Variants in PCDHA4 observed in about 807,000 individuals in gnomAD.
PCDHA4 encodes protocadherin alpha 4, also known as protocadherin alpha-4.
In PCDHA4, 49 loss-of-function variants were observed where a neutral mutation model predicts 61.4. The ratio of observed to expected loss-of-function variants is 0.80; its 90% CI spans 0.63 to 1.01. PCDHA4 has a LOEUF of 1.01. Among genes scored for constraint, PCDHA4 ranks in the 50% least tolerant of loss-of-function variants. PCDHA4 has a pLI of 0.00. For missense variants in PCDHA4, 1,254 were observed against 1,235.8 expected (o/e 1.01, Z -0.22); for synonymous variants, 590 against 550.3 (o/e 1.07, Z -1.01).
At chr5:140,863,157 C>A (rs782159779) in intron 1 of PCDHA4, 7 of 638,840 alleles carry the variant, frequency 1.1e-5, no homozygotes, top group South Asian at 5.4e-5. Flanking sequence ...AGGACCACTG[C>A]GAGCTGGCGC....
chr5:140,886,251 T>A (rs189086759), intron 1 of PCDHA4, among the ~76,000 whole-genome samples: 397 of 152,156 alleles, frequency 2.6e-3, no homozygotes, highest in Non-Finnish European at 4.1e-3. Flanking sequence ...AATAAAAGTA[T>A]CTCTATTTAT....
chr5:140,808,735 G>T lies in PCDHA4; in HGVS notation c.1548G>T (p.Lys516Asn), dbSNP rs1389730174. 1 of 1,612,086 alleles carries T rather than the reference G, an allele frequency of 6.2e-7. No homozygotes were observed. The highest frequency in any genetic ancestry group is 8.5e-7 in the Non-Finnish European group (1 of 1,179,822). Residue 516 changes from lysine (K) to asparagine (N), a missense_variant, in exon 1 of 4, where the codon AAG becomes AAT. Lys to Asn is a moderately conservative substitution (Grantham distance 94). Transcript: ENST00000530339. ...SYVSVHAESG[K>N]VYALQPLDHE... ...TTTCGGTGCATGCGGAGAGCGGCAA[G>T]GTGTACGCGCTGCAGCCGCTGGACC...
chr5:140,931,864 T>G (rs1554208617), intron 1 of PCDHA4, among the ~76,000 whole-genome samples: 1 of 151,976 alleles, frequency 6.6e-6, no homozygotes, highest in African/African-American at 2.4e-5. Flanking sequence ...ATTCTAGAAA[T>G]AAAATATTTA....
intron 3 of PCDHA4, among the ~76,000 whole-genome samples, chr5:140,985,666 A>G (rs547448150): frequency 1.3e-5 from 2 of 151,942 alleles, no homozygotes; most frequent in South Asian, 4.2e-4. Flanking sequence ...GAATAAAGGA[A>G]GTGGGGCCTG....
intron 1 of PCDHA4, chr5:140,871,192 G>A (rs1582019516): frequency 6.2e-7 from 1 of 1,613,668 alleles, no homozygotes; most frequent in South Asian, 1.1e-5. Context: ...GGATGTCAAC[G>A]TGTACCTGAT....
intron 1 of PCDHA4, chr5:140,870,710 CGCGCGATGCGG>C (rs1554164626): frequency 1.2e-6 from 2 of 1,612,974 alleles, no homozygotes; most frequent in African/African-American, 2.7e-5. Context: ...CAGGTGAGCG[CGCGCGATGCGG>C]GCGTGCCGCC....
intron 1 of PCDHA4, among the ~76,000 whole-genome samples, chr5:140,922,088 T>C (rs1361534405): frequency 6.6e-6 from 1 of 152,184 alleles, no homozygotes; most frequent in Non-Finnish European, 1.5e-5. Context: ...AAGTGGTATT[T>C]CTACCAACTA....
chr5:140,823,009 C>G, intron 1 of PCDHA4: 1 of 1,614,246 alleles, frequency 6.2e-7, no homozygotes, highest in Non-Finnish European at 8.5e-7. Context: ...GGACAGCGCC[C>G]TGGACCGCGA....
chr5:140,876,079 G>C, intron 1 of PCDHA4: 1 of 1,613,940 alleles, frequency 6.2e-7, no homozygotes, highest in Non-Finnish European at 8.5e-7. Flanking sequence ...ATTGGACAGA[G>C]AGCAAACGCC....
chr5:140,978,545 T>C (rs1478928718), intron 1 of PCDHA4, among the ~76,000 whole-genome samples: 2 of 152,258 alleles, frequency 1.3e-5, no homozygotes, highest in Non-Finnish European at 2.9e-5. Context: ...TGTGTAGCCA[T>C]GTGCCCTGTT....
chr5:140,876,455 C>G, intron 1 of PCDHA4: 1 of 1,613,992 alleles, frequency 6.2e-7, no homozygotes, highest in Non-Finnish European at 8.5e-7. Context: ...AAAGGGATTC[C>G]TTCCATGGCA....
rs148608291 is a variant in PCDHA4, at chr5:140,870,364, G to A, written c.2385+60792G>A. The stretch of plus-strand genomic sequence containing the variant: ...GGACCGCGAGAACGTGTGGGCCTAT[G>A]AACTGGTGGTGACTGCGCGGGATGG... On this transcript the variant is annotated intron_variant, in intron 1 of 3. Transcript: ENST00000530339. 1,110 of 1,614,212 alleles carry A rather than the reference G, an allele frequency of 6.9e-4. 2 individuals are homozygous for A. The highest frequency in any genetic ancestry group is 9.1e-4 in the Non-Finnish European group (1,069 of 1,180,030).
intron 1 of PCDHA4, chr5:140,968,839 T>C (rs1426943047): frequency 1.3e-5 from 21 of 1,614,052 alleles, no homozygotes; most frequent in Non-Finnish European, 1.7e-5. Flanking sequence ...TCCCTGACAC[T>C]CAGAGGCATG....
chr5:140,818,874 C>T (rs1462838242), intron 1 of PCDHA4, among the ~76,000 whole-genome samples: 5 of 152,164 alleles, frequency 3.3e-5, no homozygotes, highest in African/African-American at 1.2e-4. Context: ...AAAAAAGATG[C>T]CTGAGATTGC....
rs2150375246 is a variant in PCDHA4, at chr5:140,844,933, C to T, written c.2385+35361C>T. Among the ~76,000 whole-genome samples the T allele has an allele frequency of 2.7e-5, 4 of 149,222 alleles. 1 individual carries two copies. Among genetic ancestry groups the T allele is most frequent in the Admixed American group, 6.7e-5 (1 of 14,882 alleles). ...GTAGAAATTGATGGAAGGGAATGAA[C>T]GATTTCTGGGACTCTGAATTCTTAC... On this transcript the variant is annotated intron_variant, in intron 1 of 3. Transcript: ENST00000530339.
intron 1 of PCDHA4, among the ~76,000 whole-genome samples, chr5:140,977,466 T>A (rs1554238584): frequency 2.0e-5 from 3 of 152,246 alleles, no homozygotes; most frequent in African/African-American, 4.8e-5. Context: ...ATTTGGTCTG[T>A]AGATAATTTT....
At chr5:140,944,608 G>T (rs2093673405) in intron 1 of PCDHA4, among the ~76,000 whole-genome samples, 1 of 152,176 alleles carries the variant, frequency 6.6e-6, no homozygotes, top group Non-Finnish European at 1.5e-5. Context: ...AGAGTAGTGT[G>T]CTGTAGAAGT....
chr5:140,841,770 C>A lies in PCDHA4; in HGVS notation c.2385+32198C>A, dbSNP rs148555729. 329 of 1,613,798 alleles carry A rather than the reference C, an allele frequency of 2.0e-4. 2 individuals carry two copies. The highest frequency in any genetic ancestry group is 3.6e-5 in the Non-Finnish European group (43 of 1,179,882). ...GTTTCAGAATCCAGAATGCCAGACT[C>A]TCGGTTTCCGCTAGAGGGCGCGTCC... On this transcript the variant is annotated intron_variant, in intron 1 of 3. Transcript: ENST00000530339.
Position 140,824,157 on chromosome 5 carries a change from TC to T in PCDHA4, c.2385+14588del, listed in dbSNP as rs2150132750. The T allele has an allele frequency of 1.9e-6, 3 of 1,611,546 alleles. No individual in the cohort carries two copies. In the Admixed American group the frequency reaches 5.0e-5, roughly 27 times the overall value. On this transcript the variant is annotated intron_variant, in intron 1 of 3. Transcript: ENST00000530339. ...GTTTTCTAATATTAACATCCATCTT[TC>T]CCTCCCAATTTTCAAATATTAAATG...
Sources: allele counts gnomAD v4.1 joint callset (sites outside exome capture counted in the v4.1 genomes callset), GRCh38; gene constraint gnomAD v4.1.1; transcripts MANE v1.5; gene names NCBI Gene and HGNC (gene_info 2026-07-23, HGNC 2026-07-21).